RP1: variants seen among roughly 807,000 people sequenced by gnomAD.
RP1 encodes oxygen-regulated protein 1.
RP1 carries 16 observed loss-of-function variants against 14.8 expected under a neutral mutation model. That is an observed-to-expected ratio of 1.08 (90% confidence interval 0.73 to 1.65). The LOEUF (loss-of-function observed/expected upper bound fraction) is 1.65, where lower values mean the gene tolerates loss of function less well. Among genes scored for constraint, RP1 ranks in the 40% most tolerant of loss-of-function variants. The pLI, the probability that RP1 is intolerant of heterozygous loss-of-function variation, is 0.00. For synonymous variants in RP1, 876 were observed against 883.6 expected, an observed-to-expected ratio of 0.99 and a Z score of 0.15; for missense variants, 2,631 against 2,535.0, an observed-to-expected ratio of 1.04 and a Z score of -0.81.
chr8:54,690,827 C>G (rs1807692747), intron 12 of RP1, among the ~76,000 whole-genome samples: 1 of 151,976 alleles, frequency 6.6e-6, no homozygotes, highest in Non-Finnish European at 1.5e-5. Context: ...GTGGTTGCAA[C>G]AGGGAGTGTT....
intron 27 of RP1, chr8:54,857,131 A>T (rs916464182): frequency 9.0e-7 from 1 of 1,107,260 alleles, no homozygotes; most frequent in African/African-American, 1.6e-5. Context: ...CTTGGTAAGA[A>T]GTTTATTTTG....
intron 23 of RP1, among the ~76,000 whole-genome samples, chr8:54,781,284 A>G (rs912978228): frequency 6.6e-6 from 1 of 152,190 alleles, no homozygotes; most frequent in Non-Finnish European, 1.5e-5. Flanking sequence ...TTTAGACTTC[A>G]ATTACGTGGA....
chr8:54,865,732 T>C (rs1223761306), intron 27 of RP1: 2 of 419,762 alleles, frequency 4.8e-6, no homozygotes, highest in Non-Finnish European at 4.1e-6. Context: ...TACCTTGACA[T>C]GTGTACTTAA....
chr8:54,849,699 C>T (rs1397559254), intron 25 of RP1, among the ~76,000 whole-genome samples: 1 of 152,090 alleles, frequency 6.6e-6, no homozygotes, highest in African/African-American at 2.4e-5. Flanking sequence ...TTTTGTGCCA[C>T]TAATAAGATC....
chr8:54,628,781 A>G lies in RP1; in HGVS notation c.4899A>G (p.Glu1633=), dbSNP rs1806158195. Residue 1633 remains glutamate, a synonymous_variant, in exon 4 of 4, where the codon GAA becomes GAG. Coordinates refer to ENST00000220676, the MANE Select transcript of RP1 (RefSeq NM_006269.2). ...TAGGATTTGTTAAAAGGGCAATAGA[A>G]AAACTGTACGGTAAAGCAGATATTA... ...YNIGFVKRAI[E]KLYGKADIIK... 17 of 1,614,128 alleles carry G rather than the reference A, an allele frequency of 1.1e-5. No homozygotes were observed. The highest frequency in any genetic ancestry group is 1.4e-5 in the Non-Finnish European group (17 of 1,179,978).
At chr8:54,857,916 A>C (rs893741837) in intron 27 of RP1, among the ~76,000 whole-genome samples, 5 of 152,158 alleles carry the variant, frequency 3.3e-5, no homozygotes, top group African/African-American at 1.2e-4. Context: ...CTACTGCTAA[A>C]ATGTAACTCT....
At chr8:54,840,116 A>G (rs1811756465) in intron 25 of RP1, among the ~76,000 whole-genome samples, 1 of 152,162 alleles carries the variant, frequency 6.6e-6, no homozygotes, top group African/African-American at 2.4e-5. Context: ...CATTGCTAAC[A>G]TGTCAATAAT....
intron 12 of RP1, among the ~76,000 whole-genome samples, chr8:54,689,268 A>T (rs202242700): frequency 1.3e-5 from 2 of 152,142 alleles, no homozygotes; most frequent in African/African-American, 2.4e-5. Context: ...ACAGGGACAA[A>T]TTGACTTCCT....
Position 54,697,098 on chromosome 8 carries a change from G to A in RP1, c.1718-2369G>A, listed in dbSNP as rs373832957. On this transcript the variant is annotated intron_variant, in intron 12 of 22. Coordinates refer to the RP1 transcript ENST00000636932. ...AAGGAGATGGGCACACCTGGCTATCGGGGTGAACGCATCAATCAGCTCATC... is the reference window on the plus strand; with the variant it reads ...AAGGAGATGGGCACACCTGGCTATCAGGGTGAACGCATCAATCAGCTCATC... 3.6e-3 allele frequency: 5,545 copies of A among 1,561,952 alleles called. 219 individuals carry two copies. In the South Asian group the frequency reaches 0.057, roughly 16 times the overall value.
At chr8:54,738,667 G>T (rs1418436153) in intron 18 of RP1, among the ~76,000 whole-genome samples, 1 of 152,072 alleles carries the variant, frequency 6.6e-6, no homozygotes, top group East Asian at 1.9e-4. Flanking sequence ...GGTAGTCAGA[G>T]AACTGAGCAT....
chr8:54,748,226 CCA>C (rs1301894429), intron 19 of RP1, among the ~76,000 whole-genome samples: 1 of 152,090 alleles, frequency 6.6e-6, no homozygotes, highest in Non-Finnish European at 1.5e-5. Flanking sequence ...CTTTTCATTT[CCA>C]GTTACTTCTT....
At chr8:54,640,025 T>G (rs1168238200) in intron 3 of RP1, among the ~76,000 whole-genome samples, 1 of 152,138 alleles carries the variant, frequency 6.6e-6, no homozygotes, top group Non-Finnish European at 1.5e-5. Flanking sequence ...TGCCTGCCTA[T>G]CTCAATGACA....
At chr8:54,788,567 C>A (rs973534032) in intron 24 of RP1, among the ~76,000 whole-genome samples, 3 of 151,990 alleles carry the variant, frequency 2.0e-5, no homozygotes, top group Non-Finnish European at 4.4e-5. Flanking sequence ...CTAAGCAGTT[C>A]CCTGTTGACA....
chr8:54,664,587 G>T (rs1303751646), intron 7 of RP1, among the ~76,000 whole-genome samples: 1 of 152,012 alleles, frequency 6.6e-6, no homozygotes, highest in African/African-American at 2.4e-5. Context: ...CATCCTAATG[G>T]CTATGAAGGG....
At chr8:54,560,521 A>C (rs1804262139) in intron 1 of RP1, 1 of 151,930 alleles carries the variant, frequency 6.6e-6, no homozygotes, top group Admixed American at 6.5e-5. Flanking sequence ...TTAGTGCTCT[A>C]TCTGCTCTTC....
chr8:54,817,952 G>T (rs12545790), intron 24 of RP1, among the ~76,000 whole-genome samples: 3,149 of 152,228 alleles, frequency 0.021, 205 homozygotes, highest in East Asian at 0.19. Flanking sequence ...GCATAACTGG[G>T]AAATGTGACT....
At chr8:54,864,918 T>C (rs1345533285) in intron 27 of RP1, among the ~76,000 whole-genome samples, 1 of 152,182 alleles carries the variant, frequency 6.6e-6, no homozygotes, top group African/African-American at 2.4e-5. Flanking sequence ...TTTAATTACA[T>C]TGAGGTTTTG....
chr8:54,641,482 A>C (rs1806454034), intron 3 of RP1, among the ~76,000 whole-genome samples: 1 of 152,164 alleles, frequency 6.6e-6, no homozygotes. Flanking sequence ...GTAATTCTTA[A>C]GTAGCTTAAT....
intron 22 of RP1, among the ~76,000 whole-genome samples, chr8:54,763,473 A>G (rs1809690301): frequency 6.6e-6 from 1 of 152,182 alleles, no homozygotes; most frequent in Non-Finnish European, 1.5e-5. Context: ...AGTTAAATGC[A>G]AATAACTACA....
Sources: allele counts gnomAD v4.1 joint callset (sites outside exome capture counted in the v4.1 genomes callset), GRCh38; gene constraint gnomAD v4.1.1; transcripts MANE v1.5; gene names NCBI Gene and HGNC (gene_info 2026-07-23, HGNC 2026-07-21).